SNX29: variants seen among roughly 807,000 people sequenced by gnomAD.
SNX29 encodes the protein sorting nexin-29.
In SNX29, 78 loss-of-function variants were observed where a neutral mutation model predicts 102.1. The observed-to-expected ratio is 0.76, with a 90% CI of 0.64 to 0.92. The LOEUF (loss-of-function observed/expected upper bound fraction) is 0.92, where lower values mean the gene tolerates loss of function less well. Ranked by LOEUF, SNX29 falls within the 40% of genes least tolerant of loss-of-function variation. The pLI is 0.00. For missense variants in SNX29, 1,280 were observed against 1,061.7 expected, an observed-to-expected ratio of 1.21 and a Z score of -2.86; for synonymous variants, 580 against 414.5, an observed-to-expected ratio of 1.40 and a Z score of -4.85.
intron 4 of SNX29, chr16:12,029,882 A>G (rs937094707): frequency 1.8e-5 from 6 of 326,768 alleles, no homozygotes; most frequent in Non-Finnish European, 3.6e-5. Context: ...ATGAGCCACC[A>G]CGCCTGGCTG....
intron 20 of SNX29, among the ~76,000 whole-genome samples, chr16:12,537,305 G>A (rs16959847): frequency 0.039 from 6,013 of 152,318 alleles, 252 homozygotes; most frequent in East Asian, 0.17. Flanking sequence ...TTGGATTTTA[G>A]TATAGTGGCT....
chr16:12,093,928 T>C lies in SNX29; in HGVS notation c.1402+15013T>C, dbSNP rs1446791916. On this transcript the variant is annotated intron_variant, in intron 11 of 20. Transcript: ENST00000566228. ...AGTAAGAAACACGAAACACTTCAGGTAGTTAGCAGGTGGTAATTGCACATA... is the reference window on the plus strand; with the variant it reads ...AGTAAGAAACACGAAACACTTCAGGCAGTTAGCAGGTGGTAATTGCACATA... The C allele has an allele frequency of 2.6e-5, 4 of 152,302 alleles. No individual in the cohort carries two copies. In the East Asian group the frequency reaches 7.7e-4, roughly 29 times the overall value. The allele number at this position is 152,302 out of a possible 1,614,324, so 9.4% of individuals were successfully genotyped here.
At chr16:12,392,190 A>G (rs2083554586) in intron 16 of SNX29, among the ~76,000 whole-genome samples, 1 of 152,178 alleles carries the variant, frequency 6.6e-6, no homozygotes, top group Non-Finnish European at 1.5e-5. Flanking sequence ...TCTTTAGAGG[A>G]GATGCCTGCT....
At chr16:12,324,154 T>C (rs116485330) in intron 15 of SNX29, among the ~76,000 whole-genome samples, 1,611 of 152,092 alleles carry the variant, frequency 0.011, 22 homozygotes, top group African/African-American at 0.037. Context: ...CTAGGCATTT[T>C]TGGGGGTCAT....
At chr16:12,427,764 G>T (rs2085141380) in intron 18 of SNX29, among the ~76,000 whole-genome samples, 2 of 152,222 alleles carry the variant, frequency 1.3e-5, no homozygotes, top group South Asian at 4.1e-4. Context: ...GATTCTCTAT[G>T]TTGGCTTCTG....
intron 18 of SNX29, among the ~76,000 whole-genome samples, chr16:12,456,411 C>T (rs1424280088): frequency 2.6e-5 from 4 of 152,022 alleles, no homozygotes; most frequent in African/African-American, 9.7e-5. Context: ...GATAATTGCT[C>T]ATTATACCAA....
At position 12,550,491 on chromosome 16, in the gene SNX29, T is replaced by C. The variant is rs80044324; in HGVS notation, c.2319-18015T>C. Among the ~76,000 whole-genome samples, 21 of 150,326 alleles carry C rather than the reference T, an allele frequency of 1.4e-4. No homozygotes were observed. The East Asian group carries it at 2.3e-3, about 17-fold the overall frequency. On this transcript the variant is annotated intron_variant, in intron 20 of 20. Coordinates refer to ENST00000566228, the MANE Select transcript of SNX29 (RefSeq NM_032167.5). ...TGGAGGTTGGAGTGAGCTGACATTG[T>C]GTCATTACATTCCAGTCTGGGAGAC... is the stretch of plus-strand genomic sequence containing the variant.
At chr16:12,420,604 C>T (rs1280097789) in intron 18 of SNX29, among the ~76,000 whole-genome samples, 1 of 152,180 alleles carries the variant, frequency 6.6e-6, no homozygotes, top group Non-Finnish European at 1.5e-5. Flanking sequence ...TTCTTAACAT[C>T]TCTGCATGTC....
At chr16:12,387,359 T>A (rs1472464129) in intron 16 of SNX29, among the ~76,000 whole-genome samples, 1 of 152,136 alleles carries the variant, frequency 6.6e-6, no homozygotes, top group African/African-American at 2.4e-5. Context: ...TCTACTGGTC[T>A]ACTTGGGATA....
intron 1 of SNX29, among the ~76,000 whole-genome samples, chr16:11,991,711 CT>C (rs762156831): frequency 0.48 from 56,618 of 117,992 alleles, 14,643 homozygotes; most frequent in Non-Finnish European, 0.61. Context: ...TGAGGCTAAT[CT>C]TTTTTTTTTT....
Position 12,461,232 on chromosome 16 carries a change from C to G in SNX29, c.2038-16487C>G, listed in dbSNP as rs148324749. On this transcript the variant is annotated intron_variant, in intron 18 of 20. Transcript: ENST00000566228. ...CCAAACTATTGGCTCAGCTCAGTATCTCTCCTTGGAGCCACCACAAGTCTG... is the reference window on the plus strand; with the variant it reads ...CCAAACTATTGGCTCAGCTCAGTATGTCTCCTTGGAGCCACCACAAGTCTG... Among the ~76,000 whole-genome samples the G allele has an allele frequency of 1.2e-4, 19 of 152,314 alleles. No homozygotes were observed. The East Asian group carries it at 3.7e-3, about 29-fold the overall frequency.
chr16:12,134,288 C>G (rs1177327958), intron 13 of SNX29, among the ~76,000 whole-genome samples: 1 of 152,202 alleles, frequency 6.6e-6, no homozygotes, highest in South Asian at 2.1e-4. Context: ...ACAAATTATC[C>G]TCAAACTTGG....
intron 14 of SNX29, among the ~76,000 whole-genome samples, chr16:12,274,778 C>T (rs1033899046): frequency 1.1e-4 from 17 of 152,220 alleles, no homozygotes; most frequent in African/African-American, 3.9e-4. Context: ...TTCGTTGCCT[C>T]TATTTTCTGG....
chr16:12,204,310 C>A (rs988744620), intron 14 of SNX29, among the ~76,000 whole-genome samples: 1 of 152,182 alleles, frequency 6.6e-6, no homozygotes, highest in Non-Finnish European at 1.5e-5. Flanking sequence ...TTCTATAGCT[C>A]ATGTGTTCTA....
At chr16:12,166,691 C>G (rs775044676) in intron 13 of SNX29, among the ~76,000 whole-genome samples, 1 of 152,186 alleles carries the variant, frequency 6.6e-6, no homozygotes, top group Admixed American at 6.5e-5. Flanking sequence ...TACCCACCCT[C>G]CTTTAGAGGC....
intron 20 of SNX29, among the ~76,000 whole-genome samples, chr16:12,554,056 C>T (rs2078165539): frequency 2.0e-5 from 3 of 152,218 alleles, no homozygotes; most frequent in Non-Finnish European, 4.4e-5. Context: ...TAAATCCTGA[C>T]CTCAAATGAT....
At chr16:12,401,492 T>C (rs890168703) in intron 17 of SNX29, among the ~76,000 whole-genome samples, 4 of 151,144 alleles carry the variant, frequency 2.6e-5, no homozygotes, top group African/African-American at 7.3e-5. Flanking sequence ...GCCTCCCAAG[T>C]AGCTGGGACT....
At chr16:12,545,925 T>G (rs571436838) in intron 20 of SNX29, among the ~76,000 whole-genome samples, 3 of 152,136 alleles carry the variant, frequency 2.0e-5, no homozygotes, top group Non-Finnish European at 2.9e-5. Context: ...TTCGGGGCTA[T>G]TAATATTTAT....
intron 14 of SNX29, among the ~76,000 whole-genome samples, chr16:12,229,340 AG>A (rs1294511410): frequency 6.6e-6 from 1 of 152,242 alleles, no homozygotes. Context: ...GGAAATGGTC[AG>A]GCCAGTCCTA....
Sources: gnomAD v4.1 joint callset for allele counts (sites outside exome capture counted in the v4.1 genomes callset) on GRCh38, gnomAD v4.1.1 for gene constraint, MANE v1.5 for transcripts, NCBI Gene and HGNC (gene_info 2026-07-23, HGNC 2026-07-21) for gene names.